ZNF385D: variants seen among roughly 807,000 people sequenced by gnomAD.
ZNF385D encodes the protein zinc finger protein 659.
A neutral mutation model predicts 35.8 loss-of-function variants in ZNF385D; 15 were observed. The observed-to-expected ratio is 0.42, with a 90% confidence interval of 0.28 to 0.64. The LOEUF is 0.64. ZNF385D is among the 30% of genes least tolerant of loss of function. The probability of loss-of-function intolerance (pLI) is 0.23; values close to 1 mark genes in which losing one functional copy is unlikely to be tolerated. For missense variants in ZNF385D, 474 were observed against 494.6 expected, an observed-to-expected ratio of 0.96 and a Z score of 0.39; for synonymous variants, 212 against 186.8, an observed-to-expected ratio of 1.13 and a Z score of -1.10.
At position 21,635,347 on chromosome 3, in the gene ZNF385D, T is replaced by A. The variant is rs575930126; in HGVS notation, c.165+29539A>T. On this transcript the variant is annotated intron_variant, in intron 2 of 7. Coordinates refer to ENST00000281523, the MANE Select transcript of ZNF385D (RefSeq NM_024697.3). Reference sequence around the variant, plus strand: ...CACTACATGCCTGGTCCGTTCGACATGATTAATATATATTAACTAATTTAA... The same window carrying A: ...CACTACATGCCTGGTCCGTTCGACAAGATTAATATATATTAACTAATTTAA... 6.6e-5 allele frequency among the ~76,000 whole-genome samples: 10 copies of A among 152,244 alleles called. No individual in the cohort carries two copies. The South Asian group carries it at 1.0e-3, about 16-fold the overall frequency.
intron 2 of ZNF385D, among the ~76,000 whole-genome samples, chr3:22,352,308 C>G (rs1239263461): frequency 6.6e-6 from 1 of 152,150 alleles, no homozygotes; most frequent in Non-Finnish European, 1.5e-5. Flanking sequence ...TGTTCAATTA[C>G]CTACAACATG....
At chr3:22,307,680 ATTTAC>A (rs1703305377) in intron 2 of ZNF385D, among the ~76,000 whole-genome samples, 1 of 150,506 alleles carries the variant, frequency 6.6e-6, no homozygotes, top group South Asian at 2.1e-4. Context: ...TAAGATATTT[ATTTAC>A]TTGTTTGTTC....
chr3:21,579,305 T>C (rs2063583737), intron 2 of ZNF385D: 1 of 152,238 alleles, frequency 6.6e-6, no homozygotes, highest in South Asian at 2.1e-4. Flanking sequence ...AATTCCACAG[T>C]GCATCTGGTT....
intron 3 of ZNF385D, among the ~76,000 whole-genome samples, chr3:21,936,421 T>C (rs1701261453): frequency 6.6e-6 from 1 of 151,958 alleles, no homozygotes; most frequent in Non-Finnish European, 1.5e-5. Flanking sequence ...GTCAGCATTG[T>C]TCTGTGCAAA....
chr3:22,309,638 T>C (rs1465551785), intron 2 of ZNF385D, among the ~76,000 whole-genome samples: 2 of 151,976 alleles, frequency 1.3e-5, no homozygotes, highest in East Asian at 3.9e-4. Context: ...AATTTTAAAA[T>C]CATAAAAAGG....
intron 3 of ZNF385D, among the ~76,000 whole-genome samples, chr3:22,010,522 G>A (rs374024378): frequency 6.6e-5 from 10 of 152,166 alleles, no homozygotes; most frequent in African/African-American, 2.2e-4. Context: ...GCTCAGACTT[G>A]CAACGTTTTC....
At chr3:21,778,875 C>A (rs929540724) in intron 3 of ZNF385D, among the ~76,000 whole-genome samples, 1 of 151,880 alleles carries the variant, frequency 6.6e-6, no homozygotes, top group Non-Finnish European at 1.5e-5. Context: ...CACTGTCTGG[C>A]ACATAGTCTG....
In ZNF385D at chr3:21,419,878, C is replaced by T. The variant is rs1385533234; in HGVS notation, c.*1336G>A. 6.6e-6 allele frequency: 1 copy of T among 151,548 alleles called. No individual in the cohort carries two copies. The highest frequency in any genetic ancestry group is 6.6e-5 in the Admixed American group (1 of 15,208). 9.4% of individuals were successfully genotyped at this position (151,548 alleles called of 1,614,324 possible). A position where few individuals can be genotyped will look rare whatever the true frequency, so the allele number is the denominator to read the frequency against. ...TACAATATACATATATTTATATATA[C>T]CCCTGATAAATCTTGTTTTAAAGGT... is the stretch of plus-strand genomic sequence containing the variant. On this transcript the variant is annotated 3_prime_UTR_variant, in exon 8 of 8. Transcript: ENST00000281523.
chr3:22,280,495 G>A (rs13314200), intron 2 of ZNF385D, among the ~76,000 whole-genome samples: 3,135 of 151,764 alleles, frequency 0.021, 100 homozygotes, highest in African/African-American at 0.071. Context: ...GTGGCTTGCC[G>A]ATTATCCCAG....
chr3:21,564,468 ATGCTCAGTTAC>A (rs2063069440), intron 3 of ZNF385D, 95 bp downstream of exon 3: 1 of 579,830 alleles, frequency 1.7e-6, no homozygotes, highest in East Asian at 3.2e-5. Context: ...GAATTTTGAC[ATGCTCAGTTAC>A]TGGAGAAAAT....
chr3:21,430,038 G>A (rs1701222117), intron 5 of ZNF385D, among the ~76,000 whole-genome samples: 1 of 151,998 alleles, frequency 6.6e-6, no homozygotes, highest in Non-Finnish European at 1.5e-5. Flanking sequence ...TGTGTAATTA[G>A]CATCAAACGC....
intron 3 of ZNF385D, among the ~76,000 whole-genome samples, chr3:22,126,954 T>C (rs1162047299): frequency 6.6e-6 from 1 of 152,192 alleles, no homozygotes; most frequent in African/African-American, 2.4e-5. Flanking sequence ...TTGTGATTTT[T>C]GTCTTAACAA....
At chr3:21,722,148 G>A (rs1357053684) in intron 1 of ZNF385D, among the ~76,000 whole-genome samples, 1 of 151,818 alleles carries the variant, frequency 6.6e-6, no homozygotes. Context: ...AGAGCAGCAG[G>A]GGTGGTGCTA....
intron 4 of ZNF385D, among the ~76,000 whole-genome samples, chr3:21,476,719 T>C (rs1486459168): frequency 6.6e-6 from 1 of 152,140 alleles, no homozygotes; most frequent in East Asian, 1.9e-4. Flanking sequence ...AACCTTTCTC[T>C]TCTATTGAAG....
rs910499150 is a variant in ZNF385D at position 21,415,800 on chromosome 3, T to C, written c.*5414A>G. The C allele has an allele frequency of 2.6e-5, 4 of 152,074 alleles. No individual in the cohort carries two copies. The East Asian group carries it at 5.8e-4, about 22-fold the overall frequency. The allele number at this position is 152,074 out of a possible 1,614,324, so 9.4% of individuals were successfully genotyped here. On this transcript the variant is annotated 3_prime_UTR_variant, in exon 8 of 8. Coordinates refer to ENST00000281523, the MANE Select transcript of ZNF385D (RefSeq NM_024697.3). ...CTAAGATACTCTACCTGATCATATA[T>C]ATTAATAGTCAGATTTTACTTCGTT...
At chr3:22,197,276 T>C (rs1016717231) in intron 2 of ZNF385D, among the ~76,000 whole-genome samples, 3 of 152,066 alleles carry the variant, frequency 2.0e-5, no homozygotes, top group African/African-American at 4.8e-5. Context: ...ACTTTTATTC[T>C]AGGCTCCTTC....
chr3:21,737,594 G>T (rs1473390842), intron 1 of ZNF385D, among the ~76,000 whole-genome samples: 1 of 152,128 alleles, frequency 6.6e-6, no homozygotes, highest in Non-Finnish European at 1.5e-5. Context: ...ATGGTGGTTG[G>T]TGGGGGGGAT....
chr3:21,791,057 T>C (rs1195565185), intron 3 of ZNF385D, among the ~76,000 whole-genome samples: 1 of 152,232 alleles, frequency 6.6e-6, no homozygotes, highest in Non-Finnish European at 1.5e-5. Flanking sequence ...CAAGCAACTT[T>C]ATTCTCAATT....
At chr3:22,164,620 T>C (rs1392973409) in intron 3 of ZNF385D, among the ~76,000 whole-genome samples, 1 of 151,396 alleles carries the variant, frequency 6.6e-6, no homozygotes, top group African/African-American at 2.4e-5. Flanking sequence ...TTTTTTTTTT[T>C]TTTGAGTGAA....
Sources: gnomAD v4.1 joint callset for allele counts (sites outside exome capture counted in the v4.1 genomes callset) on GRCh38, gnomAD v4.1.1 for gene constraint, MANE v1.5 for transcripts, NCBI Gene and HGNC (gene_info 2026-07-23, HGNC 2026-07-21) for gene names.